FILIP1L: variants seen among roughly 807,000 people sequenced by gnomAD.
FILIP1L encodes filamin A interacting protein 1 like, also known as filamin A-interacting protein 1-like.
In FILIP1L, 55 loss-of-function variants were observed where a neutral mutation model predicts 96.6. The observed-to-expected ratio is 0.57, with a 90% CI of 0.46 to 0.71. The LOEUF is 0.71. Among genes scored for constraint, FILIP1L ranks in the 30% least tolerant of loss-of-function variants. The pLI is 0.00. For missense variants in FILIP1L, 1,304 were observed against 1,321.2 expected (o/e 0.99, Z 0.20); for synonymous variants, 467 against 473.9 (o/e 0.99, Z 0.19).
At chr3:100,034,442 T>C (rs2065073180) in intron 1 of FILIP1L, among the ~76,000 whole-genome samples, 1 of 152,126 alleles carries the variant, frequency 6.6e-6, no homozygotes, top group South Asian at 2.1e-4. Flanking sequence ...ACACTGGCTT[T>C]AGTAAGGAAT....
intron 4 of FILIP1L, among the ~76,000 whole-genome samples, chr3:99,870,057 T>A (rs1329742359): frequency 6.6e-6 from 1 of 152,230 alleles, no homozygotes; most frequent in Non-Finnish European, 1.5e-5. Flanking sequence ...AGTGATATAA[T>A]CAGTAGCTTT....
chr3:99,928,227 C>T (rs1183850374), intron 3 of FILIP1L, among the ~76,000 whole-genome samples: 1 of 152,200 alleles, frequency 6.6e-6, no homozygotes, highest in East Asian at 1.9e-4. Flanking sequence ...TTCCCCTTCA[C>T]TGTTTATTTT....
At chr3:99,892,232 C>G (rs1347433369) in intron 4 of FILIP1L, among the ~76,000 whole-genome samples, 1 of 152,162 alleles carries the variant, frequency 6.6e-6, no homozygotes, top group African/African-American at 2.4e-5. Context: ...AGGCAAGTCT[C>G]CAATTTTGTA....
chr3:100,075,730 AT>A, intron 1 of FILIP1L: 1 of 152,294 alleles, frequency 6.6e-6, no homozygotes, highest in South Asian at 2.1e-4. Flanking sequence ...CAATTTATAG[AT>A]TTGGGGAGAA....
intron 1 of FILIP1L, among the ~76,000 whole-genome samples, chr3:99,991,944 A>G (rs891821328): frequency 1.3e-5 from 2 of 148,596 alleles, no homozygotes; most frequent in East Asian, 3.9e-4. Context: ...GTATGTGTAT[A>G]TATGTGTATA....
intron 1 of FILIP1L, among the ~76,000 whole-genome samples, chr3:99,953,523 T>C (rs1708237958): frequency 6.6e-6 from 1 of 152,192 alleles, no homozygotes; most frequent in Non-Finnish European, 1.5e-5. Context: ...CTCTATTTCA[T>C]GCCACGTTGG....
rs186827402 is a variant in FILIP1L at position 99,877,446 on chromosome 3, A to G, written c.606-26376T>C. On this transcript the variant is annotated intron_variant, in intron 4 of 5. Coordinates refer to ENST00000477258, the MANE Select transcript of FILIP1L (RefSeq NM_001387850.1). ...AGATGCAGGGCACAACATTAAATGT[A>G]TGTCCTCTTCACTAAATTGGGAGTT... Among the ~76,000 whole-genome samples the G allele has an allele frequency of 5.9e-5, 9 of 152,266 alleles. No individual in the cohort carries two copies. In the East Asian group the frequency reaches 1.5e-3, roughly 26 times the overall value.
intron 1 of FILIP1L, among the ~76,000 whole-genome samples, chr3:100,010,382 T>C (rs1159845885): frequency 6.6e-5 from 10 of 152,132 alleles, no homozygotes; most frequent in South Asian, 2.1e-4. Context: ...AAAACACTTA[T>C]TGAAAGAAAC....
intron 1 of FILIP1L, among the ~76,000 whole-genome samples, chr3:100,049,520 A>G (rs1040218185): frequency 6.6e-6 from 1 of 152,198 alleles, no homozygotes; most frequent in African/African-American, 2.4e-5. Context: ...GCAGTACAGA[A>G]AATTAAAATA....
intron 1 of FILIP1L, among the ~76,000 whole-genome samples, chr3:100,012,233 C>G (rs564852858): frequency 6.6e-6 from 1 of 152,084 alleles, no homozygotes; most frequent in South Asian, 2.1e-4. Flanking sequence ...TGTTTTATAT[C>G]TTTATACTAG....
chr3:100,013,211 G>A (rs1710213904), intron 1 of FILIP1L, among the ~76,000 whole-genome samples: 1 of 136,496 alleles, frequency 7.3e-6, no homozygotes, highest in South Asian at 2.5e-4. Flanking sequence ...CAAGGCCAGT[G>A]AGGTGTTGTT....
chr3:99,935,718 G>C (rs575944151), intron 1 of FILIP1L, among the ~76,000 whole-genome samples: 1 of 152,290 alleles, frequency 6.6e-6, no homozygotes, highest in Non-Finnish European at 1.5e-5. Flanking sequence ...GGGACTCTCT[G>C]TTGTCTTGTA....
At chr3:99,942,363 T>C (rs1362213635) in intron 1 of FILIP1L, among the ~76,000 whole-genome samples, 1 of 151,994 alleles carries the variant, frequency 6.6e-6, no homozygotes, top group African/African-American at 2.4e-5. Context: ...CAGAAAAAAA[T>C]AATGGCAGGG....
At chr3:99,848,072 T>TGTAAATGAAAAGATATACAGTAA (rs1260307437) in intron 5 of FILIP1L, 6 of 1,318,480 alleles carry the variant, frequency 4.6e-6, no homozygotes, top group Non-Finnish European at 5.8e-6. Context: ...CATACAAGTA[T>TGTAAATGAAAAGATATACAGTAA]GTAAATGAAA....
At chr3:100,101,366 T>C (rs2066302084) in intron 1 of FILIP1L, among the ~76,000 whole-genome samples, 1 of 152,118 alleles carries the variant, frequency 6.6e-6, no homozygotes, top group East Asian at 1.9e-4. Context: ...GGGAAGAAGC[T>C]TTGATATTTG....
chr3:99,897,883 C>T (rs1576556532), intron 4 of FILIP1L, among the ~76,000 whole-genome samples: 1 of 152,146 alleles, frequency 6.6e-6, no homozygotes. Flanking sequence ...CAAATGACCA[C>T]GAATATGTCC....
chr3:99,932,484 A>AT (rs201919473), intron 1 of FILIP1L, among the ~76,000 whole-genome samples: 43 of 151,090 alleles, frequency 2.8e-4, no homozygotes, highest in Admixed American at 9.2e-4. Flanking sequence ...GTTTTTGAAT[A>AT]TTTTTTTTTC....
chr3:99,859,274 C>A (rs1051990978), intron 4 of FILIP1L, among the ~76,000 whole-genome samples: 2 of 152,178 alleles, frequency 1.3e-5, no homozygotes, highest in African/African-American at 4.8e-5. Context: ...TTTGTCAGTT[C>A]TTTTTTCCCC....
At chr3:99,831,547 A>G (rs981734126) in intron 5 of FILIP1L, among the ~76,000 whole-genome samples, 2 of 152,264 alleles carry the variant, frequency 1.3e-5, no homozygotes, top group African/African-American at 2.4e-5. Context: ...AGCCATGAGC[A>G]GTAGAAGCTG....
Sources: allele counts gnomAD v4.1 joint callset (sites outside exome capture counted in the v4.1 genomes callset), GRCh38; gene constraint gnomAD v4.1.1; transcripts MANE v1.5; gene names NCBI Gene and HGNC (gene_info 2026-07-23, HGNC 2026-07-21).